The following SOX5 variants were observed in gnomAD, a reference collection of about 807,000 sequenced individuals.
SOX5 encodes the protein SRY-box transcription factor 5.
In SOX5, 9 loss-of-function variants were observed where a neutral mutation model predicts 92.0. The observed-to-expected ratio is 0.10, with a 90% confidence interval of 0.06 to 0.17. The LOEUF is 0.17. Ranked by LOEUF, SOX5 falls within the 10% of genes least tolerant of loss-of-function variation. The pLI, the probability that SOX5 is intolerant of heterozygous loss-of-function variation, is 1.00. For synonymous variants in SOX5, 344 were observed against 336.3 expected, an observed-to-expected ratio of 1.02 and a Z score of -0.25; for missense variants, 642 against 944.5, an observed-to-expected ratio of 0.68 and a Z score of 4.20.
At chr12:23,593,566 T>C (rs2137189078) in intron 9 of SOX5, among the ~76,000 whole-genome samples, 1 of 152,256 alleles carries the variant, frequency 6.6e-6, no homozygotes, top group Admixed American at 6.5e-5. Context: ...AGAATCTCAT[T>C]TTATGAAATA....
At chr12:24,553,250 C>T (rs1157895757) in intron 1 of SOX5, among the ~76,000 whole-genome samples, 1 of 152,162 alleles carries the variant, frequency 6.6e-6, no homozygotes, top group African/African-American at 2.4e-5. Flanking sequence ...CAAAGACTGT[C>T]CCGCTCACTA....
intron 3 of SOX5, among the ~76,000 whole-genome samples, chr12:23,823,443 C>T (rs2096165247): frequency 6.6e-6 from 1 of 152,028 alleles, no homozygotes. Flanking sequence ...AATATTGGTC[C>T]CCACTCTCTT....
intron 10 of SOX5, 84 bp from the exon 11 acceptor site, chr12:23,563,487 G>T: frequency 8.7e-7 from 1 of 1,148,030 alleles, no homozygotes; most frequent in Non-Finnish European, 1.3e-6. Context: ...ACTTTTCTTG[G>T]TAATAGGTAG....
chr12:23,882,729 C>T (rs1022785848), intron 2 of SOX5, among the ~76,000 whole-genome samples: 1 of 152,132 alleles, frequency 6.6e-6, no homozygotes, highest in Admixed American at 6.5e-5. Context: ...ATGATTATAT[C>T]AGCTGCTTAT....
At chr12:23,649,826 G>T (rs570582635) in intron 7 of SOX5, among the ~76,000 whole-genome samples, 22 of 152,104 alleles carry the variant, frequency 1.4e-4, no homozygotes, top group Middle Eastern at 3.4e-3. Flanking sequence ...CACAGCCTAA[G>T]AAAAACAATT....
At chr12:23,737,678 A>T (rs2093653602) in intron 5 of SOX5, among the ~76,000 whole-genome samples, 1 of 152,018 alleles carries the variant, frequency 6.6e-6, no homozygotes. Context: ...CTCTGATTTC[A>T]TCTCATCCCC....
chr12:23,601,591 C>T (rs9805068), intron 9 of SOX5, among the ~76,000 whole-genome samples: 110,510 of 152,004 alleles, frequency 0.73, 40,356 homozygotes, highest in Middle Eastern at 0.82. Context: ...CATTCATAAT[C>T]GATTGCTTAA....
chr12:23,638,280 T>C (rs7133232), intron 8 of SOX5: 128,406 of 152,172 alleles, frequency 0.84, 54,490 homozygotes, highest in African/African-American at 0.92. Flanking sequence ...ACCCTTCTTA[T>C]TTCTGGTCTC....
chr12:24,289,235 C>G (rs559398624), intron 2 of SOX5, among the ~76,000 whole-genome samples: 1 of 151,630 alleles, frequency 6.6e-6, no homozygotes, highest in African/African-American at 2.4e-5. Flanking sequence ...GAGCCGTGAT[C>G]GCATCACTGT....
chr12:23,546,417 G>GT lies in SOX5; in HGVS notation c.1495dup (p.Thr499AsnfsTer13). Reference sequence around the variant, plus strand: ...TTGCTGAGTCAGACTCTCCAGTGTTGTTTTTTCCTTTAAAAAAATTATAAT... The same window carrying GT: ...TTGCTGAGTCAGACTCTCCAGTGTTGTTTTTTTCCTTTAAAAAAATTATAAT... On this transcript the variant is annotated frameshift_variant, in exon 12 of 15. Coordinates refer to ENST00000451604, the MANE Select transcript of SOX5 (RefSeq NM_006940.6). LOFTEE classifies it high-confidence loss of function. The GT allele has an allele frequency of 6.3e-7, 1 of 1,584,076 alleles. No individual in the cohort carries two copies. The highest frequency in any genetic ancestry group is 8.6e-7 in the Non-Finnish European group (1 of 1,157,966).
chr12:24,240,324 T>C (rs1454921524), intron 3 of SOX5, among the ~76,000 whole-genome samples: 1 of 152,176 alleles, frequency 6.6e-6, no homozygotes, highest in Non-Finnish European at 1.5e-5. Context: ...TTGCCTCTGT[T>C]TCCTGTTCTT....
At chr12:24,118,258 C>T (rs967318020) in intron 4 of SOX5, among the ~76,000 whole-genome samples, 2 of 152,030 alleles carry the variant, frequency 1.3e-5, no homozygotes, top group Non-Finnish European at 2.9e-5. Flanking sequence ...TTAACATCCT[C>T]ACTACAAAAA....
chr12:24,310,672 G>C (rs931018017), intron 2 of SOX5, among the ~76,000 whole-genome samples: 1 of 152,086 alleles, frequency 6.6e-6, no homozygotes, highest in African/African-American at 2.4e-5. Context: ...GAAAAAGTGG[G>C]TGCAGAGAAA....
chr12:23,673,407 G>T (rs1190411123), intron 6 of SOX5, among the ~76,000 whole-genome samples: 2 of 152,056 alleles, frequency 1.3e-5, no homozygotes, highest in African/African-American at 4.8e-5. Context: ...GAATGTGCTT[G>T]TCTGTTAATG....
intron 7 of SOX5, among the ~76,000 whole-genome samples, chr12:23,658,593 A>G (rs1254615094): frequency 6.6e-6 from 1 of 152,142 alleles, no homozygotes; most frequent in African/African-American, 2.4e-5. Flanking sequence ...TAATTCTAAC[A>G]CAAAAAATAC....
chr12:24,482,342 G>A (rs1436232470), intron 1 of SOX5, among the ~76,000 whole-genome samples: 1 of 152,166 alleles, frequency 6.6e-6, no homozygotes, highest in Non-Finnish European at 1.5e-5. Flanking sequence ...AAAGAATGGG[G>A]AAATCAGGAC....
chr12:24,110,977 G>A (rs375189944), intron 4 of SOX5, among the ~76,000 whole-genome samples: 20 of 144,190 alleles, frequency 1.4e-4, no homozygotes, highest in African/African-American at 4.9e-4. Context: ...CAAATTTTAC[G>A]CTAAGCCAGG....
intron 11 of SOX5, among the ~76,000 whole-genome samples, chr12:23,558,891 C>A (rs1345939467): frequency 6.6e-6 from 1 of 152,166 alleles, no homozygotes; most frequent in Non-Finnish European, 1.5e-5. Flanking sequence ...GTGTGAGCCA[C>A]CGTGCCCGGC....
intron 4 of SOX5, among the ~76,000 whole-genome samples, chr12:23,965,279 C>G (rs774287166): frequency 3.3e-5 from 5 of 152,206 alleles, no homozygotes; most frequent in Non-Finnish European, 7.3e-5. Flanking sequence ...CTAAGAATGA[C>G]CATGTGTCTG....
Sources: allele counts gnomAD v4.1 joint callset (sites outside exome capture counted in the v4.1 genomes callset), GRCh38; gene constraint gnomAD v4.1.1; transcripts MANE v1.5; gene names NCBI Gene and HGNC (gene_info 2026-07-23, HGNC 2026-07-21).